Variants in SOX5 observed in about 807,000 individuals in gnomAD.
The protein encoded by SOX5 is SRY-box transcription factor 5.
In SOX5, 9 loss-of-function variants were observed where a neutral mutation model predicts 92.0. That is an observed-to-expected ratio of 0.10 (90% CI 0.06 to 0.17). The LOEUF is 0.17. SOX5 is among the 10% of genes least tolerant of loss of function. The probability of loss-of-function intolerance (pLI) is 1.00; values close to 1 mark genes in which losing one functional copy is unlikely to be tolerated. For missense variants in SOX5, 642 were observed against 944.5 expected, an observed-to-expected ratio of 0.68 and a Z score of 4.20; for synonymous variants, 344 against 336.3, an observed-to-expected ratio of 1.02 and a Z score of -0.25.
At chr12:24,181,945 C>A (rs972846337) in intron 4 of SOX5, among the ~76,000 whole-genome samples, 4 of 152,210 alleles carry the variant, frequency 2.6e-5, no homozygotes, top group South Asian at 2.1e-4. Context: ...CATGTGTATA[C>A]CATGTGAAAC....
chr12:24,443,035 T>C (rs2137214387), intron 1 of SOX5, among the ~76,000 whole-genome samples: 1 of 137,678 alleles, frequency 7.3e-6, no homozygotes, highest in African/African-American at 2.7e-5. Flanking sequence ...CACTGCCACC[T>C]CCGCCTCCTG....
intron 3 of SOX5, among the ~76,000 whole-genome samples, chr12:24,236,579 A>T (rs1486283588): frequency 6.6e-6 from 1 of 152,198 alleles, no homozygotes; most frequent in Non-Finnish European, 1.5e-5. Context: ...TGTACACAGG[A>T]CTATTTGGTT....
chr12:23,599,818 T>C (rs912835000), intron 9 of SOX5, among the ~76,000 whole-genome samples: 30 of 152,204 alleles, frequency 2.0e-4, no homozygotes, highest in African/African-American at 7.0e-4. Context: ...AATAACTCTT[T>C]TAAGCCTGAT....
intron 4 of SOX5, among the ~76,000 whole-genome samples, chr12:23,972,471 C>T (rs895609660): frequency 6.6e-6 from 1 of 152,090 alleles, no homozygotes; most frequent in Non-Finnish European, 1.5e-5. Context: ...GATTCTCCTG[C>T]CCCAGTCTCC....
intron 3 of SOX5, among the ~76,000 whole-genome samples, chr12:23,816,701 C>G (rs1387148694): frequency 1.3e-5 from 2 of 152,010 alleles, no homozygotes; most frequent in Non-Finnish European, 2.9e-5. Flanking sequence ...ATTGTTAGAG[C>G]AAATGTCATA....
At chr12:24,440,997 C>T (rs1302297753) in intron 1 of SOX5, among the ~76,000 whole-genome samples, 1 of 152,198 alleles carries the variant, frequency 6.6e-6, no homozygotes, top group African/African-American at 2.4e-5. Context: ...GCATTCTCCT[C>T]TTACCAAATA....
intron 1 of SOX5, among the ~76,000 whole-genome samples, chr12:24,531,800 T>C (rs1951217107): frequency 6.6e-6 from 1 of 152,216 alleles, no homozygotes; most frequent in African/African-American, 2.4e-5. Flanking sequence ...CATTTTCAAA[T>C]ATAAAGCCTT....
chr12:24,353,879 T>C (rs546554974), intron 2 of SOX5, among the ~76,000 whole-genome samples: 9 of 152,336 alleles, frequency 5.9e-5, no homozygotes, highest in African/African-American at 1.7e-4. Flanking sequence ...GACCTCGTGA[T>C]CCACCTGCCT....
Position 23,532,443 on chromosome 12 carries a change from A to G in SOX5, c.*1776T>C, listed in dbSNP as rs954695228. Reference sequence around the variant, plus strand: ...TATTTACTATCTATCTGATACTTCAATACAAATAATGGCAATTGACTTGAA... The same window carrying G: ...TATTTACTATCTATCTGATACTTCAGTACAAATAATGGCAATTGACTTGAA... On this transcript the variant is annotated 3_prime_UTR_variant, in exon 15 of 15. Transcript: ENST00000451604. 1 of 152,264 alleles carries G rather than the reference A, an allele frequency of 6.6e-6. No homozygotes were observed. The highest frequency in any genetic ancestry group is 2.4e-5 in the African/African-American group (1 of 41,470). 9.4% of individuals were successfully genotyped at this position (152,264 alleles called of 1,614,324 possible). A position where few individuals can be genotyped will look rare whatever the true frequency, so the allele number is the denominator to read the frequency against.
chr12:23,675,984 G>A, intron 6 of SOX5, among the ~76,000 whole-genome samples: 1 of 152,082 alleles, frequency 6.6e-6, no homozygotes, highest in Non-Finnish European at 1.5e-5. Flanking sequence ...CAAAAAGACA[G>A]GAGATAAATG....
At chr12:23,814,062 G>T (rs1438370522) in intron 3 of SOX5, among the ~76,000 whole-genome samples, 2 of 151,932 alleles carry the variant, frequency 1.3e-5, no homozygotes, top group African/African-American at 4.8e-5. Context: ...TAAATTAAAA[G>T]AATATTTATT....
intron 6 of SOX5, among the ~76,000 whole-genome samples, chr12:23,666,287 A>G (rs2083788302): frequency 6.6e-6 from 1 of 152,134 alleles, no homozygotes; most frequent in African/African-American, 2.4e-5. Context: ...TCCTTAGACC[A>G]CAGGGTCTCC....
Position 24,495,990 on chromosome 12 carries a change from T to C in SOX5, c.-251+66339A>G, listed in dbSNP as rs538876150. On this transcript the variant is annotated intron_variant, in intron 1 of 4. Coordinates refer to the SOX5 transcript ENST00000446891. The stretch of plus-strand genomic sequence containing the variant: ...TAAATAAGAAGTGATTCCATGACTT[T>C]ATTTTATGACAATAAATTCAGTTGA... Among the ~76,000 whole-genome samples the C allele has an allele frequency of 1.2e-4, 19 of 152,340 alleles. No individual in the cohort carries two copies. In the South Asian group the frequency reaches 3.9e-3, roughly 32 times the overall value.
intron 4 of SOX5, among the ~76,000 whole-genome samples, chr12:24,080,682 A>C (rs949844025): frequency 6.6e-6 from 1 of 151,926 alleles, no homozygotes; most frequent in African/African-American, 2.4e-5. Flanking sequence ...TGGTTCCAAA[A>C]TATTGTTTGC....
chr12:24,522,036 A>C (rs887149364), intron 1 of SOX5, among the ~76,000 whole-genome samples: 1 of 151,966 alleles, frequency 6.6e-6, no homozygotes, highest in African/African-American at 2.4e-5. Flanking sequence ...GTAAAACCTT[A>C]GATACACCAA....
chr12:24,440,962 G>T (rs903087686), intron 1 of SOX5, among the ~76,000 whole-genome samples: 2 of 152,160 alleles, frequency 1.3e-5, no homozygotes, highest in Non-Finnish European at 1.5e-5. Context: ...CATGACCTGG[G>T]TCACATCCCA....
chr12:24,137,661 C>CAAAACA (rs1950229563), intron 4 of SOX5, among the ~76,000 whole-genome samples: 1 of 151,904 alleles, frequency 6.6e-6, no homozygotes, highest in African/African-American at 2.4e-5. Context: ...AAAAACAAAA[C>CAAAACA]AAAAAAACTC....
chr12:23,819,504 T>G (rs530111522), intron 3 of SOX5, among the ~76,000 whole-genome samples: 38 of 152,262 alleles, frequency 2.5e-4, no homozygotes, highest in African/African-American at 7.9e-4. Context: ...GGTATACACG[T>G]GTCATGGTGG....
intron 1 of SOX5, among the ~76,000 whole-genome samples, chr12:24,430,186 C>T (rs998486635): frequency 1.3e-5 from 2 of 152,106 alleles, no homozygotes; most frequent in African/African-American, 4.8e-5. Context: ...GAAAGCCTAA[C>T]GCATAATTTT....
Sources: gnomAD v4.1 joint callset for allele counts (sites outside exome capture counted in the v4.1 genomes callset) on GRCh38, gnomAD v4.1.1 for gene constraint, MANE v1.5 for transcripts, NCBI Gene and HGNC (gene_info 2026-07-23, HGNC 2026-07-21) for gene names.